FGF7: variants seen among roughly 807,000 people sequenced by gnomAD.
FGF7 encodes the protein FGF-7.
In FGF7, 6 loss-of-function variants were observed where a neutral mutation model predicts 20.5. The observed-to-expected ratio is 0.29, with a 90% confidence interval of 0.16 to 0.58. The LOEUF is 0.58. Among genes scored for constraint, FGF7 ranks in the 20% least tolerant of loss-of-function variants. The probability of loss-of-function intolerance (pLI) is 0.90; values close to 1 mark genes in which losing one functional copy is unlikely to be tolerated. For synonymous variants in FGF7, 64 were observed against 74.7 expected (o/e 0.86, Z 0.74); for missense variants, 144 against 228.8 (o/e 0.63, Z 2.39).
chr15:49,482,169 A>C (rs2056012935), intron 2 of FGF7, among the ~76,000 whole-genome samples: 1 of 152,148 alleles, frequency 6.6e-6, no homozygotes, highest in Admixed American at 6.5e-5. Context: ...TAGAAAATGT[A>C]ATTAATAGCA....
rs1416109470 is a variant in FGF7, at chr15:49,486,162, C to A, written c.*1658C>A. The A allele has an allele frequency of 6.6e-6, 1 of 152,000 alleles. No homozygotes were observed. Among genetic ancestry groups the A allele is most frequent in the Non-Finnish European group, 1.5e-5 (1 of 67,928 alleles). The allele number at this position is 152,000 out of a possible 1,614,324, so 9.4% of individuals were successfully genotyped here. A position where few individuals can be genotyped will look rare whatever the true frequency, so the allele number is the denominator to read the frequency against. ...ATTTCAAAATATTTGTCATTCAAGT[C>A]CCTTTACATAAATAGTATTTGGTAA... On this transcript the variant is annotated 3_prime_UTR_variant, in exon 4 of 4. Transcript: ENST00000267843.
chr15:49,460,017 T>C (rs1225135158), intron 2 of FGF7, among the ~76,000 whole-genome samples: 1 of 152,194 alleles, frequency 6.6e-6, no homozygotes, highest in African/African-American at 2.4e-5. Flanking sequence ...TATCACTTTC[T>C]TCCCTTGACA....
rs989761269 is a variant in FGF7 at position 49,473,588 on chromosome 15, C to T, written c.287-9563C>T. Among the ~76,000 whole-genome samples, 18 of 152,064 alleles carry T rather than the reference C, an allele frequency of 1.2e-4. 1 individual carries two copies. Among genetic ancestry groups the T allele is most frequent in the Admixed American group, 9.8e-4 (15 of 15,274 alleles). On this transcript the variant is annotated intron_variant, in intron 2 of 3. Transcript: ENST00000267843. ...GACAATCATATTGGAGTTGGTCTCA[C>T]GTTTTGGAGGGGTATAATGACTCTC...
At chr15:49,429,191 A>G (rs2050379788) in intron 2 of FGF7, among the ~76,000 whole-genome samples, 1 of 151,968 alleles carries the variant, frequency 6.6e-6, no homozygotes, top group African/African-American at 2.4e-5. Context: ...AATAAGTAAC[A>G]TATCTACGCA....
Position 49,483,178 on chromosome 15 carries a change from T to G in FGF7, c.314T>G (p.Val105Gly), listed in dbSNP as rs1422768958. The G allele has an allele frequency of 6.3e-7, 1 of 1,587,782 alleles. No homozygotes were observed. Among genetic ancestry groups the G allele is most frequent in the Non-Finnish European group, 8.5e-7 (1 of 1,172,018 alleles). ...ATCATGGAAATCAGGACAGTGGCAG[T>G]TGGAATTGTGGCAATCAAAGGGGTG... ...YNIMEIRTVAVGIVAIKGVES... is the reference protein window; with the variant it reads ...YNIMEIRTVAGGIVAIKGVES... Residue 105 changes from valine (V) to glycine (G), a missense_variant, in exon 3 of 4, where the codon GTT becomes GGT. This residue lies in a region of FGF7 where 56 missense variants were observed against 125.4 expected (regional missense o/e 0.45). Transcript: ENST00000267843.
At chr15:49,482,900 T>G (rs911490224) in intron 2 of FGF7, among the ~76,000 whole-genome samples, 26 of 152,030 alleles carry the variant, frequency 1.7e-4, no homozygotes, top group African/African-American at 6.3e-4. Context: ...AACTCAAATA[T>G]GTAACTATTT....
intron 2 of FGF7, among the ~76,000 whole-genome samples, chr15:49,462,516 T>C (rs2053894854): frequency 6.6e-6 from 1 of 152,236 alleles, no homozygotes; most frequent in Admixed American, 6.5e-5. Context: ...TTAAAAAGTC[T>C]CTACTGATTC....
At chr15:49,453,684 C>T (rs79193715) in intron 2 of FGF7, among the ~76,000 whole-genome samples, 3,672 of 152,220 alleles carry the variant, frequency 0.024, 116 homozygotes, top group South Asian at 0.15. Flanking sequence ...TTATGACCCA[C>T]GTGCTGTTTA....
Position 49,484,529 on chromosome 15 carries a change from G to A in FGF7, c.*25G>A, listed in dbSNP as rs965013311. 1.6e-6 allele frequency: 2 copies of A among 1,266,376 alleles called. No individual in the cohort carries two copies. The highest frequency in any genetic ancestry group is 3.1e-5 in the African/African-American group (2 of 64,484). 78.4% of individuals were successfully genotyped at this position (1,266,376 alleles called of 1,614,324 possible). A position where few individuals can be genotyped will look rare whatever the true frequency, so the allele number is the denominator to read the frequency against. ...ATTGCATATGGTATATAAAGAACCAGTTCCAGCAGGGAGATTTCTTTAAGT... is the reference window on the plus strand; with the variant it reads ...ATTGCATATGGTATATAAAGAACCAATTCCAGCAGGGAGATTTCTTTAAGT... On this transcript the variant is annotated 3_prime_UTR_variant, in exon 4 of 4. Transcript: ENST00000267843.
intron 2 of FGF7, among the ~76,000 whole-genome samples, chr15:49,445,661 C>G (rs2052127789): frequency 6.6e-6 from 1 of 151,082 alleles, no homozygotes; most frequent in Non-Finnish European, 1.5e-5. Context: ...ATTATTATGT[C>G]AATTGAAAGA....
chr15:49,477,392 T>C (rs948809518), intron 2 of FGF7, among the ~76,000 whole-genome samples: 2 of 152,232 alleles, frequency 1.3e-5, no homozygotes, highest in Non-Finnish European at 2.9e-5. Flanking sequence ...TCTCTAAAGT[T>C]TTGCCTTTGC....
intron 2 of FGF7, among the ~76,000 whole-genome samples, chr15:49,425,924 T>C (rs1418351849): frequency 6.6e-6 from 1 of 151,712 alleles, no homozygotes; most frequent in Non-Finnish European, 1.5e-5. Context: ...ATTTTTTTGA[T>C]ATCTACTTCT....
intron 2 of FGF7, among the ~76,000 whole-genome samples, chr15:49,479,452 G>A (rs2055680919): frequency 6.6e-6 from 1 of 152,062 alleles, no homozygotes; most frequent in South Asian, 2.1e-4. Context: ...TGAGGCAACG[G>A]ATACACTGTA....
At chr15:49,459,620 TA>T (rs1445728985) in intron 2 of FGF7, among the ~76,000 whole-genome samples, 1 of 152,204 alleles carries the variant, frequency 6.6e-6, no homozygotes, top group Non-Finnish European at 1.5e-5. Context: ...TATGTAAATT[TA>T]TAGAGTTTGA....
intron 2 of FGF7, among the ~76,000 whole-genome samples, chr15:49,445,881 TAG>T: frequency 6.6e-6 from 1 of 151,656 alleles, no homozygotes; most frequent in South Asian, 2.1e-4. Context: ...TGAAATTAGA[TAG>T]AAAGTTTACT....
chr15:49,467,070 C>G (rs997725999), intron 2 of FGF7, among the ~76,000 whole-genome samples: 1 of 151,980 alleles, frequency 6.6e-6, no homozygotes, highest in Non-Finnish European at 1.5e-5. Context: ...CATTTAGACA[C>G]AAGTTAAAGA....
At chr15:49,440,724 C>T (rs2051556992) in intron 2 of FGF7, among the ~76,000 whole-genome samples, 2 of 151,650 alleles carry the variant, frequency 1.3e-5, no homozygotes, top group African/African-American at 4.8e-5. Flanking sequence ...CTCAGTTTGA[C>T]AGTCAGAGAC....
At chr15:49,439,965 T>C (rs948960032) in intron 2 of FGF7, among the ~76,000 whole-genome samples, 22 of 151,726 alleles carry the variant, frequency 1.4e-4, no homozygotes, top group Admixed American at 1.1e-3. Flanking sequence ...TGCACAAATA[T>C]TGGGGACAGG....
At chr15:49,480,221 G>A (rs775583199) in intron 2 of FGF7, among the ~76,000 whole-genome samples, 4 of 152,032 alleles carry the variant, frequency 2.6e-5, no homozygotes, top group South Asian at 2.1e-4. Context: ...TCAGTTAAAC[G>A]TAGAATCTTT....
Sources: allele counts gnomAD v4.1 joint callset (sites outside exome capture counted in the v4.1 genomes callset), GRCh38; gene constraint gnomAD v4.1.1; regional missense constraint gnomAD v4.1.1; transcripts MANE v1.5; gene names NCBI Gene and HGNC (gene_info 2026-07-23, HGNC 2026-07-21).